PTGES2: variants seen among roughly 807,000 people sequenced by gnomAD.
The protein encoded by PTGES2 is prostaglandin E synthase 2.
A neutral mutation model predicts 44.5 loss-of-function variants in PTGES2; 35 were observed. The ratio of observed to expected loss-of-function variants is 0.79; its 90% CI spans 0.60 to 1.04. PTGES2 has a LOEUF of 1.04. PTGES2 is among the 50% of genes least tolerant of loss of function. PTGES2 has a pLI of 0.00. For missense variants in PTGES2, 517 were observed against 521.4 expected (o/e 0.99, Z 0.08); for synonymous variants, 221 against 227.5 (o/e 0.97, Z 0.26).
chr9:128,127,678 C>T lies in PTGES2; in HGVS notation c.40G>A (p.Gly14Ser). ...AARVVRALWP[G>S]GCALAWRLGG... ...AGCCTCCAGGCCAAGGCGCACCCAC[C>T]AGGCCACAGCGCCCGCACCACCCGC... The change falls in exon 1 of 7, where the codon GGT (glycine) becomes AGT (serine). Residue 14 changes from glycine (G) to serine (S), a missense_variant. Gly to Ser is a moderately conservative substitution (Grantham distance 56). Coordinates refer to ENST00000338961, the MANE Select transcript of PTGES2 (RefSeq NM_025072.7). 7.7e-7 allele frequency: 1 copy of T among 1,298,326 alleles called. No homozygotes were observed. Among genetic ancestry groups the T allele is most frequent in the Non-Finnish European group, 9.8e-7 (1 of 1,023,188 alleles). The allele number at this position is 1,298,326 out of a possible 1,614,324, so 80.4% of individuals were successfully genotyped here. A position where few individuals can be genotyped will look rare whatever the true frequency, so the allele number is the denominator to read the frequency against.
chr9:128,123,206 A>C lies in PTGES2; in HGVS notation c.687-72T>G. On this transcript the variant is annotated intron_variant, in intron 4 of 6. Transcript: ENST00000338961. The surrounding 1 kb of genome is among the most constrained non-coding windows in gnomAD (Gnocchi z 4.4). Reference sequence around the variant, plus strand: ...GGGAGCAGGCTGCATTCTCTAGAACATACCCACTGCACGGGCGGGAAGCTG... The same window carrying C: ...GGGAGCAGGCTGCATTCTCTAGAACCTACCCACTGCACGGGCGGGAAGCTG... 2 of 1,431,884 alleles carry C rather than the reference A, an allele frequency of 1.4e-6. No homozygotes were observed. The highest frequency in any genetic ancestry group is 1.9e-6 in the Non-Finnish European group (2 of 1,041,188). 88.7% of individuals were successfully genotyped at this position (1,431,884 alleles called of 1,614,324 possible).
chr9:128,122,517 C>T, intron 5 of PTGES2, 38 bp from the exon 6 acceptor site: 4 of 1,563,172 alleles, frequency 2.6e-6, no homozygotes, highest in Non-Finnish European at 3.5e-6. Context: ...GGGGAGCCCC[C>T]ACTCCCAGCC....
intron 2 of PTGES2, 123 bp downstream of exon 2, chr9:128,125,121 A>G: frequency 3.2e-6 from 3 of 930,928 alleles, no homozygotes; most frequent in Non-Finnish European, 4.8e-6. Context: ...TACTTCCCCC[A>G]TAGTCCTTAC....
rs747951605 is a variant in PTGES2 at position 128,127,627 on chromosome 9, G to T, written c.91C>A (p.Pro31Thr). 1 of 1,269,164 alleles carries T rather than the reference G, an allele frequency of 7.9e-7. No individual in the cohort carries two copies. 78.6% of individuals were successfully genotyped at this position (1,269,164 alleles called of 1,614,324 possible). Residue 31 changes from proline (P) to threonine (T), a missense_variant, in exon 1 of 7, where the codon CCC becomes ACC. By Grantham distance (38) the Pro-to-Thr change is conservative. Transcript: ENST00000338961. ...GCGAAGCCAGCCCGGCTCTGCGTGG[G>T]TAGCAGCGGCTGGGGGCGGCCTCCC... ...RLGGRPQPLL[P>T]TQSRAGFAGA...
At chr9:128,124,791 C>A in intron 2 of PTGES2, 11 of 1,310,890 alleles carry the variant, frequency 8.4e-6, no homozygotes, top group Non-Finnish European at 1.1e-5. Context: ...ATTTGGCCTC[C>A]CAGGTAGAGG....
Position 128,125,279 on chromosome 9 carries a change from C to T in PTGES2, c.442G>A (p.Val148Met), listed in dbSNP as rs982999602. ...CCTTCCTGGGCCACCAGGATGGGCA[C>T]CTTTCTGTAGGAGGAGAACTTGATC... Reference protein sequence around the residue: ...AEIKFSSYRKVPILVAQEGES... With the variant: ...AEIKFSSYRKMPILVAQEGES... Residue 148 changes from valine to methionine, a missense_variant, in exon 2 of 7, where the codon GTG (valine) becomes ATG (methionine). Transcript: ENST00000338961. The T allele has an allele frequency of 2.5e-6, 4 of 1,608,056 alleles. No individual in the cohort carries two copies. In the African/African-American group the frequency reaches 5.4e-5, roughly 22 times the overall value.
At chr9:128,125,566 A>C in intron 1 of PTGES2, 125 bp from the exon 2 acceptor site, 1 of 880,936 alleles carries the variant, frequency 1.1e-6, no homozygotes. Flanking sequence ...GGAACTAGAG[A>C]TGGAAGGGGG....
chr9:128,124,712 A>G, intron 2 of PTGES2, 162 bp from the exon 3 acceptor site: 2 of 1,307,384 alleles, frequency 1.5e-6, no homozygotes, highest in Non-Finnish European at 2.0e-6. Context: ...AAGTAGGGAG[A>G]CGTGGTTGTG....
chr9:128,121,369 T>TC, intron 6 of PTGES2, 96 bp from the exon 7 acceptor site: 1 of 1,456,124 alleles, frequency 6.9e-7, no homozygotes, highest in East Asian at 2.5e-5. Context: ...TCCCGTCCCC[T>TC]CCCCCCTTGG....
chr9:128,128,231 A>G (rs1450728587), upstream of PTGES2: 2 of 445,140 alleles, frequency 4.5e-6, no homozygotes, highest in East Asian at 7.0e-5. Flanking sequence ...GACCCGAACC[A>G]TAAAATTTTC....
At chr9:128,122,878 G>T in intron 5 of PTGES2, 56 bp downstream of exon 5, 1 of 1,580,666 alleles carries the variant, frequency 6.3e-7, no homozygotes, top group Non-Finnish European at 8.7e-7. Flanking sequence ...GATCACCACT[G>T]CTCGTGGCAC....
In PTGES2 at chr9:128,123,248, G is replaced by A. The variant is rs1834493432; in HGVS notation, c.687-114C>T. On this transcript the variant is annotated intron_variant, in intron 4 of 6. Coordinates refer to ENST00000338961, the MANE Select transcript of PTGES2 (RefSeq NM_025072.7). This position sits in a 1 kb window ranked among gnomAD's most constrained non-coding sequence, Gnocchi z 4.4. The stretch of plus-strand genomic sequence containing the variant: ...GGGAAGCTGAAGCCTGAGCAGGAAG[G>A]TCTTTTTTTTTTTTTTGAGACAAAG... 7 of 924,574 alleles carry A rather than the reference G, an allele frequency of 7.6e-6. No individual in the cohort carries two copies. The highest frequency in any genetic ancestry group is 3.1e-6 in the Non-Finnish European group (2 of 654,878). The allele number at this position is 924,574 out of a possible 1,614,324, so 57.3% of individuals were successfully genotyped here.
Position 128,127,404 on chromosome 9 carries a change from T to C in PTGES2, c.279+35A>G, listed in dbSNP as rs759034499. 5.3e-6 allele frequency: 7 copies of C among 1,333,060 alleles called. No homozygotes were observed. In the African/African-American group the frequency reaches 6.0e-5, roughly 11 times the overall value. 82.6% of individuals were successfully genotyped at this position (1,333,060 alleles called of 1,614,324 possible). A position where few individuals can be genotyped will look rare whatever the true frequency, so the allele number is the denominator to read the frequency against. ...CCAGGAGTCCCGAGTTCGGCGCTGA[T>C]CAGCATCCCCATCCCCGGCCGGGCC... On this transcript the variant is annotated intron_variant, in intron 1 of 6. Transcript: ENST00000338961.
At chr9:128,125,200 AC>A (rs2130854061) in intron 2 of PTGES2, 43 bp downstream of exon 2, 5 of 1,529,064 alleles carry the variant, frequency 3.3e-6, no homozygotes, top group Non-Finnish European at 4.4e-6. Context: ...CTCCAGGACA[AC>A]CCAGGAAAGG....
chr9:128,122,695 C>T (rs555332320), intron 5 of PTGES2: 9 of 628,900 alleles, frequency 1.4e-5, no homozygotes, highest in Admixed American at 5.8e-5. Flanking sequence ...ACAGAGGAGG[C>T]GCCAGTCAGG....
chr9:128,127,191 C>CAAAAAAAAAAAAAAACAAAAA (rs1834653323), intron 1 of PTGES2, among the ~76,000 whole-genome samples: 2 of 24,494 alleles, frequency 8.2e-5, no homozygotes, highest in Non-Finnish European at 1.6e-4. Context: ...ATAAACAAAC[C>CAAAAAAAAAAAAAAACAAAAA]AAAAAAAAAA....
rs1834491912 is a variant in PTGES2, at chr9:128,123,206, A to G, written c.687-72T>C. The G allele has an allele frequency of 1.4e-6, 2 of 1,431,888 alleles. No individual in the cohort carries two copies. The highest frequency in any genetic ancestry group is 1.9e-6 in the Non-Finnish European group (2 of 1,041,188). The allele number at this position is 1,431,888 out of a possible 1,614,324, so 88.7% of individuals were successfully genotyped here. A position where few individuals can be genotyped will look rare whatever the true frequency, so the allele number is the denominator to read the frequency against. On this transcript the variant is annotated intron_variant, in intron 4 of 6. Transcript: ENST00000338961. This position sits in a 1 kb window ranked among gnomAD's most constrained non-coding sequence, Gnocchi z 4.4. ...GGGAGCAGGCTGCATTCTCTAGAAC[A>G]TACCCACTGCACGGGCGGGAAGCTG...
In PTGES2 at chr9:128,121,003, A is replaced by AGCGAGAGG. The variant is rs1834386647; in HGVS notation, c.*134_*141dup. 2.7e-6 allele frequency: 3 copies of AGCGAGAGG among 1,097,182 alleles called. No homozygotes were observed. The Admixed American group carries it at 7.8e-5, about 29-fold the overall frequency. 68.0% of individuals were successfully genotyped at this position (1,097,182 alleles called of 1,614,324 possible). On this transcript the variant is annotated 3_prime_UTR_variant, in exon 7 of 7. Transcript: ENST00000338961. ...GCCCCAGCAGGTGCCCTGTGTTAGA[A>AGCGAGAGG]GCGAGAGGGCTGGTGGGGGTGCGTG... is the stretch of plus-strand genomic sequence containing the variant.
At position 128,123,425 on chromosome 9, in the gene PTGES2, T is replaced by G. The variant is rs1834500349; in HGVS notation, c.686+277A>C. On this transcript the variant is annotated intron_variant, in intron 4 of 6. Coordinates refer to ENST00000338961, the MANE Select transcript of PTGES2 (RefSeq NM_025072.7). The surrounding 1 kb of genome is among the most constrained non-coding windows in gnomAD (Gnocchi z 4.4). ...CCACACCTAGCTAATTTTTGCATTT[T>G]TATAGAGATGGGGTTTTGCCATGTT... Among the ~76,000 whole-genome samples, 1 of 152,092 alleles carries G rather than the reference T, an allele frequency of 6.6e-6. No homozygotes were observed. Among genetic ancestry groups the G allele is most frequent in the Non-Finnish European group, 1.5e-5 (1 of 67,992 alleles).
Sources: gnomAD v4.1 joint callset for allele counts (sites outside exome capture counted in the v4.1 genomes callset) on GRCh38, gnomAD v4.1.1 for gene constraint, Gnocchi (gnomAD v3.1) non-coding constraint, MANE v1.5 for transcripts, NCBI Gene and HGNC (gene_info 2026-07-23, HGNC 2026-07-21) for gene names.